The following ABCA5 variants were observed in gnomAD, a reference collection of about 807,000 sequenced individuals.
The protein encoded by ABCA5 is cholesterol transporter ABCA5.
In ABCA5, 163 loss-of-function variants were observed where a neutral mutation model predicts 206.0. The observed-to-expected ratio is 0.79, with a 90% CI of 0.70 to 0.90. The LOEUF is 0.90. Among genes scored for constraint, ABCA5 ranks in the 40% least tolerant of loss-of-function variants. ABCA5 has a pLI of 0.00. For missense variants in ABCA5, 1,859 were observed against 1,912.9 expected (o/e 0.97, Z 0.53); for synonymous variants, 609 against 613.8 (o/e 0.99, Z 0.11).
chr17:69,247,714 C>T, intron 38 of ABCA5, 70 bp from the exon 39 acceptor site: 1 of 821,772 alleles, frequency 1.2e-6, no homozygotes, highest in Non-Finnish European at 2.0e-6. Context: ...TTAACTAAAT[C>T]AGAAATGGTA....
chr17:69,318,617 C>A, intron 1 of ABCA5: 1 of 310,322 alleles, frequency 3.2e-6, no homozygotes, highest in Non-Finnish European at 6.0e-6. Context: ...TGTAAAAATA[C>A]TAAATGAGTA....
chr17:69,259,683 A>C, intron 28 of ABCA5, 23 bp downstream of exon 28: 1 of 1,498,932 alleles, frequency 6.7e-7, no homozygotes, highest in East Asian at 2.3e-5. Context: ...AAAACATTTA[A>C]AATTTTTAAA....
intron 17 of ABCA5, 44 bp from the exon 18 acceptor site, chr17:69,284,116 A>T (rs771072267): frequency 7.1e-7 from 1 of 1,409,182 alleles, no homozygotes; most frequent in Non-Finnish European, 9.4e-7. Flanking sequence ...TAAGCATATT[A>T]TCATAAATTA....
chr17:69,309,876 C>G lies in ABCA5; in HGVS notation c.308-453G>C, dbSNP rs186319996. 9.2e-5 allele frequency among the ~76,000 whole-genome samples: 14 copies of G among 151,946 alleles called. No homozygotes were observed. In the East Asian group the frequency reaches 1.5e-3, roughly 17 times the overall value. On this transcript the variant is annotated intron_variant, in intron 3 of 38. Coordinates refer to ENST00000392676, the MANE Select transcript of ABCA5 (RefSeq NM_172232.4). ...ACAAACAAAAAGAAGACAATTCTTC[C>G]AACAAAATAATAATAATAAAATGGT... is the stretch of plus-strand genomic sequence containing the variant.
At chr17:69,303,831 T>TATATAC (rs1567778315) in intron 7 of ABCA5, among the ~76,000 whole-genome samples, 8 of 27,736 alleles carry the variant, frequency 2.9e-4, no homozygotes, top group African/African-American at 9.1e-4. Context: ...TATATGTATA[T>TATATAC]ATATATATAC....
chr17:69,300,241 A>G (rs1353195103), intron 9 of ABCA5, among the ~76,000 whole-genome samples: 11 of 152,192 alleles, frequency 7.2e-5, no homozygotes, highest in Non-Finnish European at 2.9e-5. Context: ...GATCCTTCAC[A>G]TGCGCGGTTC....
At position 69,307,648 on chromosome 17, in the gene ABCA5, T is replaced by C. The variant is rs192518498; in HGVS notation, c.558+632A>G. On this transcript the variant is annotated intron_variant, in intron 5 of 38. Coordinates refer to ENST00000392676, the MANE Select transcript of ABCA5 (RefSeq NM_172232.4). ...ATATTACACGTCCCTAATATGTTTA[T>C]ACTGTACTACAAAAGTTTACAAGAC... Among the ~76,000 whole-genome samples, 208 of 152,258 alleles carry C rather than the reference T, an allele frequency of 1.4e-3. 1 individual carries two copies. Among genetic ancestry groups the C allele is most frequent in the Middle Eastern group, 0.01 (3 of 294 alleles).
chr17:69,302,795 T>C lies in ABCA5; in HGVS notation c.1042A>G (p.Ile348Val), dbSNP rs1010018597. Residue 348 changes from isoleucine (I) to valine (V), a missense_variant, in exon 8 of 39, where the codon ATA (isoleucine) becomes GTA (valine). Transcript: ENST00000392676. ...ACTAACGATTTGGGAAAACTTTCTA[T>C]GAGGATTATCATAAGGCCAATAAAT... ...FGFIGLMIIL[I>V]ESFPKSLVWL... The C allele has an allele frequency of 1.2e-6, 2 of 1,600,938 alleles. No homozygotes were observed. Among genetic ancestry groups the C allele is most frequent in the Admixed American group, 3.6e-5 (2 of 55,996 alleles).
chr17:69,273,850 A>G (rs2075301216), intron 20 of ABCA5, 109 bp downstream of exon 20: 1 of 1,027,726 alleles, frequency 9.7e-7, no homozygotes, highest in Non-Finnish European at 1.4e-6. Flanking sequence ...TTTCATGCAG[A>G]CAGACCATGC....
At chr17:69,322,866 C>A (rs1484745967) in intron 1 of ABCA5, among the ~76,000 whole-genome samples, 1 of 151,840 alleles carries the variant, frequency 6.6e-6, no homozygotes, top group East Asian at 1.9e-4. Flanking sequence ...AAGATTATAC[C>A]CTATAAAATA....
At chr17:69,269,702 T>C (rs760252512) in intron 22 of ABCA5, among the ~76,000 whole-genome samples, 9 of 152,188 alleles carry the variant, frequency 5.9e-5, no homozygotes, top group East Asian at 1.9e-4. Context: ...AAACATTCCA[T>C]ACATTCCACA....
chr17:69,281,275 T>C (rs1842897678), intron 18 of ABCA5, among the ~76,000 whole-genome samples: 1 of 151,380 alleles, frequency 6.6e-6, no homozygotes, highest in Non-Finnish European at 1.5e-5. Flanking sequence ...ATGTATTTTT[T>C]AATTTAGATA....
chr17:69,301,923 C>T (rs184215767), intron 8 of ABCA5, among the ~76,000 whole-genome samples: 7 of 152,218 alleles, frequency 4.6e-5, no homozygotes, highest in Admixed American at 3.9e-4. Flanking sequence ...ATCCCACTCA[C>T]AACAAAAACC....
chr17:69,287,015 C>G (rs1311464580), intron 15 of ABCA5, among the ~76,000 whole-genome samples: 1 of 152,204 alleles, frequency 6.6e-6, no homozygotes, highest in Non-Finnish European at 1.5e-5. Flanking sequence ...AGGGTTCCTA[C>G]TATTCTCAAA....
rs2075453680 is a variant in ABCA5, at chr17:69,286,393, T to C, written c.2042-82A>G. Reference sequence around the variant, plus strand: ...CATTTACATTTTATGGTTTCTCATATGAGAGTCATCCACATTATGATATCA... The same window carrying C: ...CATTTACATTTTATGGTTTCTCATACGAGAGTCATCCACATTATGATATCA... On this transcript the variant is annotated intron_variant, in intron 15 of 38. Transcript: ENST00000392676. The C allele has an allele frequency of 7.4e-6, 9 of 1,212,384 alleles. No homozygotes were observed. In the South Asian group the frequency reaches 1.2e-4, roughly 17 times the overall value. 75.1% of individuals were successfully genotyped at this position (1,212,384 alleles called of 1,614,324 possible). A position where few individuals can be genotyped will look rare whatever the true frequency, so the allele number is the denominator to read the frequency against.
chr17:69,306,661 T>A lies in ABCA5; in HGVS notation c.788+64A>T. The A allele has an allele frequency of 3.6e-6, 3 of 829,978 alleles. No homozygotes were observed. The South Asian group carries it at 1.5e-4, about 41-fold the overall frequency. 51.4% of individuals were successfully genotyped at this position (829,978 alleles called of 1,614,324 possible). A position where few individuals can be genotyped will look rare whatever the true frequency, so the allele number is the denominator to read the frequency against. On this transcript the variant is annotated intron_variant, in intron 6 of 38. Coordinates refer to ENST00000392676, the MANE Select transcript of ABCA5 (RefSeq NM_172232.4). ...TTAGGTAAATATCAAAATTACAATTTTGAAAATCTGTATATTTAATACAAT... is the reference window on the plus strand; with the variant it reads ...TTAGGTAAATATCAAAATTACAATTATGAAAATCTGTATATTTAATACAAT...
At chr17:69,264,499 T>C (rs2075186058) in intron 24 of ABCA5, among the ~76,000 whole-genome samples, 1 of 152,236 alleles carries the variant, frequency 6.6e-6, no homozygotes, top group African/African-American at 2.4e-5. Context: ...GTAGGTGGTC[T>C]ACATGAAAGA....
chr17:69,289,713 C>T, intron 13 of ABCA5, 149 bp downstream of exon 13: 1 of 653,972 alleles, frequency 1.5e-6, no homozygotes, highest in Non-Finnish European at 2.4e-6. Context: ...ACTCCAAATT[C>T]TGTCTAATTC....
At position 69,253,651 on chromosome 17, in the gene ABCA5, C is replaced by T. The variant is rs772229277; in HGVS notation, c.4337G>A (p.Ser1446Asn). 37 of 1,613,444 alleles carry T rather than the reference C, an allele frequency of 2.3e-5. No homozygotes were observed. The highest frequency in any genetic ancestry group is 2.9e-5 in the Non-Finnish European group (34 of 1,179,776). The change falls in exon 34 of 39, where the codon AGT becomes AAT. Residue 1446 changes from serine to asparagine, a missense_variant. Physicochemically the swap from Ser to Asn is conservative, Grantham distance 46. Transcript: ENST00000392676. ...AGTAATCTGAGGATTCCCTAGCATA[C>T]TTAGAGCAAAACACAACTACATGGA... The part of the protein sequence containing the change: ...GIKRKLCFAL[S>N]MLGNPQITLL...
Sources: gnomAD v4.1 joint callset for allele counts (sites outside exome capture counted in the v4.1 genomes callset) on GRCh38, gnomAD v4.1.1 for gene constraint, MANE v1.5 for transcripts, NCBI Gene and HGNC (gene_info 2026-07-23, HGNC 2026-07-21) for gene names.